HYI: variants seen among roughly 807,000 people sequenced by gnomAD.
HYI encodes hydroxypyruvate isomerase (putative), also known as putative hydroxypyruvate isomerase.
A neutral mutation model predicts 39.7 loss-of-function variants in HYI; 47 were observed. The observed-to-expected ratio is 1.18, with a 90% CI of 0.94 to 1.51. The LOEUF is 1.51. HYI is among the 40% of genes most tolerant of loss of function. The pLI, the probability that HYI is intolerant of heterozygous loss-of-function variation, is 0.00. For missense variants in HYI, 465 were observed against 370.3 expected (o/e 1.26, Z -2.10); for synonymous variants, 186 against 158.8 (o/e 1.17, Z -1.29).
chr1:43,452,619 A>T, intron 2 of HYI: 1 of 595,930 alleles, frequency 1.7e-6, no homozygotes, highest in South Asian at 2.0e-5. Flanking sequence ...ACCTTTAAAA[A>T]TTGTCCTGAC....
rs746449583 is a variant in HYI at position 43,452,001 on chromosome 1, C to T, written c.439G>A (p.Gly147Arg). The T allele has an allele frequency of 3.7e-6, 6 of 1,608,586 alleles. No homozygotes were observed. The Admixed American group carries it at 8.4e-5, about 22-fold the overall frequency. Residue 147 changes from glycine to arginine, a missense_variant, in exon 4 of 8, where the codon GGA becomes AGA. Coordinates refer to ENST00000372430, the MANE Select transcript of HYI (RefSeq NM_001190880.3). ...CGGGTGTTGATGGGCTCCAGCAGTC[C>T]CACGAGGTCCTCCTAGCAGCATGTC... ...AGVLAQEDLV[G>R]LLEPINTRIT...
At position 43,453,693 on chromosome 1, in the gene HYI, G is replaced by T. The variant is rs527849809; in HGVS notation, c.101C>A (p.Ala34Asp). 9.0e-6 allele frequency: 13 copies of T among 1,439,442 alleles called. No individual in the cohort carries two copies. The African/African-American group carries it at 1.9e-4, about 22-fold the overall frequency. 89.2% of individuals were successfully genotyped at this position (1,439,442 alleles called of 1,614,324 possible). A position where few individuals can be genotyped will look rare whatever the true frequency, so the allele number is the denominator to read the frequency against. ...VRAAGSSGFE[A>D]VEVAWPYAET... ...CGCGTACGGCCAGGCCACCTCGACG[G>T]CCTCGAAGCCCGAGCTGCCCGCGGC... is the stretch of plus-strand genomic sequence containing the variant. The change falls in exon 1 of 8, where the codon GCC becomes GAC. Residue 34 changes from alanine (A) to aspartate (D), a missense_variant. Physicochemically the swap from Ala to Asp is moderately radical, Grantham distance 126. Coordinates refer to ENST00000372430, the MANE Select transcript of HYI (RefSeq NM_001190880.3).
At chr1:43,452,783 A>G in intron 2 of HYI, 1 of 1,054,352 alleles carries the variant, frequency 9.5e-7, no homozygotes, top group East Asian at 2.6e-5. Flanking sequence ...CCTCTGCAGG[A>G]TTTGACATTT....
Position 43,451,042 on chromosome 1 carries a change from C to T in HYI, c.*196G>A. 1 of 781,242 alleles carries T rather than the reference C, an allele frequency of 1.3e-6. No individual in the cohort carries two copies. Among genetic ancestry groups the T allele is most frequent in the Non-Finnish European group, 2.3e-6 (1 of 433,446 alleles). 48.4% of individuals were successfully genotyped at this position (781,242 alleles called of 1,614,324 possible). On this transcript the variant is annotated 3_prime_UTR_variant, in exon 8 of 8. Coordinates refer to ENST00000372430, the MANE Select transcript of HYI (RefSeq NM_001190880.3). Reference sequence around the variant, plus strand: ...CTTTAATGAGGTGGGTTCAGAAGCTCTCCCATCTTCACAGCAACCCTGGCA... The same window carrying T: ...CTTTAATGAGGTGGGTTCAGAAGCTTTCCCATCTTCACAGCAACCCTGGCA...
Position 43,452,055 on chromosome 1 carries a change from GT to G in HYI, c.427-43del, listed in dbSNP as rs1557615085. The stretch of plus-strand genomic sequence containing the variant: ...TGCTGTGAATAGAGCTCCTTCCCAA[GT>G]TTGTCCCCCATCAGTCAGTCACTGG... On this transcript the variant is annotated intron_variant, in intron 3 of 7. Coordinates refer to ENST00000372430, the MANE Select transcript of HYI (RefSeq NM_001190880.3). 3.8e-6 allele frequency: 6 copies of G among 1,575,646 alleles called. No homozygotes were observed. The Admixed American group carries it at 8.5e-5, about 22-fold the overall frequency.
In HYI at chr1:43,453,619, G is replaced by A. The variant is rs1656703693; in HGVS notation, c.175C>T (p.Leu59Phe). ...CCCGGGGGCGTGTTGATCAGTACAAGCCGCAGCCCCGCTTCTCGCGCGGCG... is the reference window on the plus strand; with the variant it reads ...CCCGGGGGCGTGTTGATCAGTACAAACCGCAGCCCCGCTTCTCGCGCGGCG... ...ARAAREAGLR[L>F]VLINTPPGDQ... is the part of the protein sequence containing the mutation. The change falls in exon 1 of 8, where the codon CTT becomes TTT. Residue 59 changes from leucine (L) to phenylalanine (F), a missense_variant. Transcript: ENST00000372430. The A allele has an allele frequency of 6.7e-7, 1 of 1,500,524 alleles. No homozygotes were observed. Among genetic ancestry groups the A allele is most frequent in the East Asian group, 2.8e-5 (1 of 36,204 alleles). 93.0% of individuals were successfully genotyped at this position (1,500,524 alleles called of 1,614,324 possible). A position where few individuals can be genotyped will look rare whatever the true frequency, so the allele number is the denominator to read the frequency against.
rs765198290 is a variant in HYI at position 43,451,257 on chromosome 1, T to G, written c.815A>C (p.His272Pro). ...WLRSYWDRRG[H>P]PEAGQ Reference sequence around the variant, plus strand: ...GGGCCCTCACTGGCCAGCCTCTGGGTGGCCCCGCCTATCCCAGTATGAACG... The same window carrying G: ...GGGCCCTCACTGGCCAGCCTCTGGGGGGCCCCGCCTATCCCAGTATGAACG... The change falls in exon 8 of 8, where the codon CAC becomes CCC. Residue 272 changes from histidine to proline, a missense_variant. By Grantham distance (77) the His-to-Pro change is moderately conservative. Coordinates refer to ENST00000372430, the MANE Select transcript of HYI (RefSeq NM_001190880.3). The G allele has an allele frequency of 6.2e-7, 1 of 1,613,968 alleles. No individual in the cohort carries two copies. The highest frequency in any genetic ancestry group is 8.5e-7 in the Non-Finnish European group (1 of 1,180,028).
At chr1:43,453,566 C>T (rs921627372) in intron 1 of HYI, 29 bp downstream of exon 1, 9 of 1,516,810 alleles carry the variant, frequency 5.9e-6, no homozygotes, top group Non-Finnish European at 8.0e-6. Flanking sequence ...ACCCCCCAGC[C>T]CTCCCAGCCC....
At chr1:43,451,749 C>A in intron 5 of HYI, 32 bp from the exon 6 acceptor site, 1 of 1,613,730 alleles carries the variant, frequency 6.2e-7, no homozygotes. Context: ...TCCGAGACCC[C>A]GCAGGCCCCG....
At chr1:43,450,908 G>A (rs747249941), downstream of HYI, 11 of 744,128 alleles carry the variant, frequency 1.5e-5, no homozygotes, top group Non-Finnish European at 2.5e-5. This position sits in a 1 kb window ranked among gnomAD's most constrained non-coding sequence, Gnocchi z 4.3. Context: ...GGACATCACT[G>A]CTGGACATTC....
At chr1:43,452,549 C>T in intron 2 of HYI, 1 of 633,648 alleles carries the variant, frequency 1.6e-6, no homozygotes, top group Non-Finnish European at 2.9e-6. Flanking sequence ...GCCTCCAGTA[C>T]TTTCCAAAAC....
chr1:43,453,665 C>G lies in HYI; in HGVS notation c.129G>C (p.Glu43Asp), dbSNP rs1245713056. The G allele has an allele frequency of 3.4e-6, 5 of 1,483,626 alleles. No homozygotes were observed. The highest frequency in any genetic ancestry group is 4.4e-6 in the Non-Finnish European group (5 of 1,125,248). 91.9% of individuals were successfully genotyped at this position (1,483,626 alleles called of 1,614,324 possible). The change falls in exon 1 of 8, where the codon GAG (glutamate) becomes GAC (aspartate). Residue 43 changes from glutamate (E) to aspartate (D), a missense_variant. Glu to Asp is a conservative substitution (Grantham distance 45). Coordinates refer to ENST00000372430, the MANE Select transcript of HYI (RefSeq NM_001190880.3). ...EAVEVAWPYA[E>D]TPEALARAAR... The stretch of plus-strand genomic sequence containing the variant: ...CGGCGCGCGCCAGCGCCTCAGGCGT[C>G]TCCGCGTACGGCCAGGCCACCTCGA...
At chr1:43,450,649 CA>C, downstream of HYI, 3 of 1,040,186 alleles carry the variant, frequency 2.9e-6, no homozygotes, top group Non-Finnish European at 4.2e-6. This position sits in a 1 kb window ranked among gnomAD's most constrained non-coding sequence, Gnocchi z 4.3. Context: ...CCCAGCCTGG[CA>C]GCAGGAACCG....
intron 5 of HYI, 28 bp from the exon 6 acceptor site, chr1:43,451,745 ACCCCGCAGG>A (rs1252126135): frequency 1.2e-6 from 2 of 1,613,094 alleles, no homozygotes; most frequent in Admixed American, 1.7e-5. Flanking sequence ...ACATTCCGAG[ACCCCGCAGG>A]CCCCGCCCTC....
chr1:43,453,786 G>A lies in HYI; in HGVS notation c.8C>T (p.Pro3Leu), dbSNP rs964020791. 3.9e-6 allele frequency: 5 copies of A among 1,283,646 alleles called. No individual in the cohort carries two copies. In the African/African-American group the frequency reaches 6.2e-5, roughly 16 times the overall value. The allele number at this position is 1,283,646 out of a possible 1,614,324, so 79.5% of individuals were successfully genotyped here. Residue 3 changes from proline (P) to leucine (L), a missense_variant, in exon 1 of 8, where the codon CCG (proline) becomes CTG (leucine). Pro to Leu is a moderately conservative substitution (Grantham distance 98). Transcript: ENST00000372430. ...GGACAGATTGGCGGAGAAGCGCAGCGGCGCCATGCCTGGGGAGGCCGGGCC... is the reference window on the plus strand; with the variant it reads ...GGACAGATTGGCGGAGAAGCGCAGCAGCGCCATGCCTGGGGAGGCCGGGCC... MA[P>L]LRFSANLSWL...
Position 43,451,253 on chromosome 1 carries a change from T to G in HYI, c.819A>C (p.Pro273=), listed in dbSNP as rs1194746987. 1 of 1,614,026 alleles carries G rather than the reference T, an allele frequency of 6.2e-7. No individual in the cohort carries two copies. The highest frequency in any genetic ancestry group is 1.1e-5 in the South Asian group (1 of 91,088). ...LRSYWDRRGH[P]EAGQ is the part of the protein sequence containing the mutation. ...GTGCGGGCCCTCACTGGCCAGCCTC[T>G]GGGTGGCCCCGCCTATCCCAGTATG... is the stretch of plus-strand genomic sequence containing the variant. Residue 273 remains proline, a synonymous_variant, in exon 8 of 8, where the codon CCA becomes CCC. Coordinates refer to ENST00000372430, the MANE Select transcript of HYI (RefSeq NM_001190880.3).
chr1:43,451,383 G>A, intron 7 of HYI, 27 bp downstream of exon 7: 2 of 1,611,824 alleles, frequency 1.2e-6, no homozygotes, highest in Non-Finnish European at 1.7e-6. Flanking sequence ...TCCCTCCAGA[G>A]CTCCCTTCCC....
In HYI at chr1:43,451,230, G is replaced by GAAC. The variant is rs774552663; in HGVS notation, c.*7_*8insGTT. ...CTGTCTGGAGGCACGTGGGTGGTGT[G>GAAC]CGGGCCCTCACTGGCCAGCCTCTGG... On this transcript the variant is annotated 3_prime_UTR_variant, in exon 8 of 8. Transcript: ENST00000372430. 3 of 1,613,638 alleles carry GAAC rather than the reference G, an allele frequency of 1.9e-6. No individual in the cohort carries two copies. Among genetic ancestry groups the GAAC allele is most frequent in the Non-Finnish European group, 2.5e-6 (3 of 1,179,790 alleles).
At chr1:43,453,002 C>T in intron 2 of HYI, 3 of 1,554,470 alleles carry the variant, frequency 1.9e-6, no homozygotes, top group Non-Finnish European at 1.8e-6. Flanking sequence ...GCAATGCCCA[C>T]TCCTTGAAGA....
Sources: allele counts gnomAD v4.1 joint callset, GRCh38; gene constraint gnomAD v4.1.1; non-coding constraint Gnocchi (gnomAD v3.1); transcripts MANE v1.5; gene names NCBI Gene and HGNC (gene_info 2026-07-23, HGNC 2026-07-21).